The following SPATA17 variants were observed in gnomAD, a reference collection of about 807,000 sequenced individuals.
SPATA17 encodes spermatogenesis associated 17.
Under a neutral mutation model 62.2 loss-of-function variants are expected in SPATA17, and 53 were observed. The ratio of observed to expected loss-of-function variants is 0.85; its 90% CI spans 0.68 to 1.07. SPATA17 has a LOEUF of 1.07. SPATA17 is among the 50% of genes least tolerant of loss of function. SPATA17 has a pLI of 0.00. For synonymous variants in SPATA17, 146 were observed against 146.8 expected, an observed-to-expected ratio of 0.99 and a Z score of 0.04; for missense variants, 466 against 425.5, an observed-to-expected ratio of 1.10 and a Z score of -0.84.
chr1:217,821,925 A>G (rs929382838), intron 9 of SPATA17, among the ~76,000 whole-genome samples: 1 of 152,094 alleles, frequency 6.6e-6, no homozygotes, highest in Non-Finnish European at 1.5e-5. Context: ...GGCTCTCTAC[A>G]AGGGGTGATT....
intron 9 of SPATA17, among the ~76,000 whole-genome samples, chr1:217,852,569 G>A (rs1675690675): frequency 6.6e-6 from 1 of 152,130 alleles, no homozygotes; most frequent in Non-Finnish European, 1.5e-5. Context: ...CCCTTCTCTT[G>A]CCACCAACAG....
chr1:217,762,657 T>G (rs1391297647), intron 6 of SPATA17, among the ~76,000 whole-genome samples: 2 of 152,192 alleles, frequency 1.3e-5, no homozygotes, highest in Admixed American at 1.3e-4. Flanking sequence ...CAGCCCTGGC[T>G]GCACATCAGC....
intron 8 of SPATA17, among the ~76,000 whole-genome samples, chr1:217,800,831 T>C (rs948418599): frequency 6.6e-6 from 1 of 152,200 alleles, no homozygotes; most frequent in African/African-American, 2.4e-5. Flanking sequence ...TTTCTTCTTA[T>C]AGGTTTATAA....
intron 9 of SPATA17, among the ~76,000 whole-genome samples, chr1:217,816,463 A>C (rs1420231495): frequency 6.6e-6 from 1 of 151,748 alleles, no homozygotes; most frequent in Non-Finnish European, 1.5e-5. Context: ...GCACATATTT[A>C]TATATTCAAC....
At chr1:217,646,405 T>A (rs1443634983) in intron 1 of SPATA17, among the ~76,000 whole-genome samples, 1 of 152,240 alleles carries the variant, frequency 6.6e-6, no homozygotes. Context: ...TTGTATCATT[T>A]CAAATACTCA....
intron 9 of SPATA17, among the ~76,000 whole-genome samples, chr1:217,840,479 AT>A (rs1558072390): frequency 6.6e-6 from 1 of 152,140 alleles, no homozygotes; most frequent in Non-Finnish European, 1.5e-5. Context: ...TATCTGGCCT[AT>A]TAACCATTAC....
chr1:217,716,244 G>A (rs1464699338), intron 5 of SPATA17, among the ~76,000 whole-genome samples: 4 of 152,090 alleles, frequency 2.6e-5, no homozygotes, highest in Non-Finnish European at 5.9e-5. Context: ...AACTATCTAG[G>A]CAGCATGTTT....
chr1:217,862,436 A>G (rs981329954), intron 9 of SPATA17, among the ~76,000 whole-genome samples: 1 of 152,196 alleles, frequency 6.6e-6, no homozygotes, highest in Admixed American at 6.5e-5. Context: ...TATTATGCAG[A>G]AAACAAAGTA....
chr1:217,690,911 C>G (rs1292489961), intron 5 of SPATA17, among the ~76,000 whole-genome samples: 1 of 146,360 alleles, frequency 6.8e-6, no homozygotes, highest in Non-Finnish European at 1.5e-5. Flanking sequence ...TGGGTTGGTT[C>G]CAAGTCTTTG....
At chr1:217,779,245 A>T (rs1019403092) in intron 7 of SPATA17, among the ~76,000 whole-genome samples, 7 of 151,806 alleles carry the variant, frequency 4.6e-5, no homozygotes, top group African/African-American at 1.7e-4. Flanking sequence ...ATTAAAAAAT[A>T]TGTATTTATA....
intron 5 of SPATA17, among the ~76,000 whole-genome samples, chr1:217,689,221 C>CTTGTTTTTTT (rs1671292740): frequency 9.7e-6 from 1 of 102,592 alleles, no homozygotes; most frequent in Non-Finnish European, 1.8e-5. Context: ...TTTATTATGT[C>CTTGTTTTTTT]TTTTTTTTTT....
chr1:217,832,933 G>C (rs1675176943), intron 9 of SPATA17, among the ~76,000 whole-genome samples: 1 of 151,146 alleles, frequency 6.6e-6, no homozygotes. Context: ...AACAGAGTGA[G>C]ACCCCGTCTC....
At chr1:217,816,573 C>A (rs1558062738) in intron 9 of SPATA17, among the ~76,000 whole-genome samples, 1 of 151,752 alleles carries the variant, frequency 6.6e-6, no homozygotes, top group Non-Finnish European at 1.5e-5. Context: ...AAATGGTCAT[C>A]ATTCACTTCT....
intron 6 of SPATA17, among the ~76,000 whole-genome samples, chr1:217,753,151 A>G (rs1365087641): frequency 2.0e-5 from 3 of 152,146 alleles, no homozygotes; most frequent in Admixed American, 6.5e-5. Flanking sequence ...AAGCATGACC[A>G]CGTGAACAAA....
chr1:217,836,424 G>C (rs1675260722), intron 9 of SPATA17, among the ~76,000 whole-genome samples: 1 of 152,158 alleles, frequency 6.6e-6, no homozygotes, highest in Non-Finnish European at 1.5e-5. Flanking sequence ...CATGATGCCA[G>C]TAGAAACGGA....
At chr1:217,724,754 T>C (rs1672223053) in intron 5 of SPATA17, among the ~76,000 whole-genome samples, 1 of 152,284 alleles carries the variant, frequency 6.6e-6, no homozygotes, top group Non-Finnish European at 1.5e-5. Context: ...AATTTTTGAA[T>C]TTTATTAATT....
rs547085585 is a variant in SPATA17 at position 217,807,601 on chromosome 1, T to G, written c.1005+5751T>G. Among the ~76,000 whole-genome samples, 9 of 152,276 alleles carry G rather than the reference T, an allele frequency of 5.9e-5. No individual in the cohort carries two copies. In the South Asian group the frequency reaches 1.9e-3, roughly 32 times the overall value. ...TTTAATTTTTGGCTTAGAGTAAAAC[T>G]TTCAATATATCTGAATGAACAGGAT... On this transcript the variant is annotated intron_variant, in intron 9 of 10. Transcript: ENST00000366933.
At chr1:217,688,581 T>A (rs1671278760) in intron 5 of SPATA17, among the ~76,000 whole-genome samples, 1 of 152,212 alleles carries the variant, frequency 6.6e-6, no homozygotes, top group African/African-American at 2.4e-5. Context: ...TCACCCATTC[T>A]GAATGTCTTA....
chr1:217,653,283 CAG>C (rs1670365864), intron 3 of SPATA17, among the ~76,000 whole-genome samples: 1 of 152,076 alleles, frequency 6.6e-6, no homozygotes, highest in Non-Finnish European at 1.5e-5. Context: ...AACACAAAGA[CAG>C]ATGTCTTTAA....
Sources: gnomAD v4.1 joint callset for allele counts (sites outside exome capture counted in the v4.1 genomes callset) on GRCh38, gnomAD v4.1.1 for gene constraint, MANE v1.5 for transcripts, NCBI Gene and HGNC (gene_info 2026-07-23, HGNC 2026-07-21) for gene names.